Variants in CALN1 observed in about 807,000 individuals in gnomAD.
CALN1 encodes the protein calneuron 1.
Under a neutral mutation model 30.6 loss-of-function variants are expected in CALN1, and 17 were observed. The observed-to-expected ratio is 0.56, with a 90% CI of 0.38 to 0.83. The LOEUF is 0.83. CALN1 is among the 40% of genes least tolerant of loss of function. The probability of loss-of-function intolerance (pLI) is 0.00; values close to 1 mark genes in which losing one functional copy is unlikely to be tolerated. For synonymous variants in CALN1, 156 were observed against 131.4 expected (o/e 1.19, Z -1.28); for missense variants, 291 against 354.9 (o/e 0.82, Z 1.45).
intron 2 of CALN1, among the ~76,000 whole-genome samples, chr7:72,358,014 G>A (rs181736111): frequency 6.6e-6 from 1 of 151,236 alleles, no homozygotes; most frequent in African/African-American, 2.4e-5. Context: ...GTATTTAAGA[G>A]GCAGAATCTC....
At chr7:72,201,923 T>C (rs994257924) in intron 3 of CALN1, among the ~76,000 whole-genome samples, 1 of 152,110 alleles carries the variant, frequency 6.6e-6, no homozygotes, top group African/African-American at 2.4e-5. Flanking sequence ...TGGCAAGAAC[T>C]ACGTCCGGAC....
intron 3 of CALN1, among the ~76,000 whole-genome samples, chr7:72,205,575 T>TATATATATATATATATATAC (rs1791810629): frequency 8.4e-6 from 1 of 119,634 alleles, no homozygotes; most frequent in Non-Finnish European, 1.6e-5. Context: ...TATGTATATA[T>TATATATATATATATATATAC]ATATATATAT....
chr7:72,207,570 CTCCTGGTAG>C (rs933801278), intron 3 of CALN1, among the ~76,000 whole-genome samples: 5 of 152,256 alleles, frequency 3.3e-5, no homozygotes, highest in Non-Finnish European at 7.4e-5. Context: ...CAAGATCCGC[CTCCTGGTAG>C]TGCTGGGATT....
At chr7:72,499,774 TTTCCTTCCTTCCTTCC>T in the CALN1 span, among the ~76,000 whole-genome samples, 1,483 of 118,734 alleles carry the variant, frequency 0.012, 121 homozygotes, top group African/African-American at 0.028. Context: ...ACTTTCTTTC[TTTCCTTCCTTCCTTCC>T]TTCCTTCCTT....
intron 4 of CALN1, among the ~76,000 whole-genome samples, chr7:72,099,315 T>C (rs1418770103): frequency 6.7e-6 from 1 of 149,494 alleles, no homozygotes; most frequent in Admixed American, 6.7e-5. Flanking sequence ...CATACTAGTT[T>C]GGTGTGATTA....
chr7:72,440,143 G>T (rs529149603), intron 1 of CALN1, among the ~76,000 whole-genome samples: 6 of 152,292 alleles, frequency 3.9e-5, no homozygotes, highest in African/African-American at 1.4e-4. Context: ...CAGACAAATG[G>T]TTAATGTCAG....
At chr7:72,365,570 T>G (rs538636918) in intron 2 of CALN1, among the ~76,000 whole-genome samples, 1 of 151,966 alleles carries the variant, frequency 6.6e-6, no homozygotes, top group Non-Finnish European at 1.5e-5. Context: ...GCTGGGACTA[T>G]AGATGCATGC....
chr7:72,405,915 C>A (rs553097622), intron 1 of CALN1, among the ~76,000 whole-genome samples: 3 of 152,162 alleles, frequency 2.0e-5, no homozygotes, highest in Non-Finnish European at 2.9e-5. Flanking sequence ...CAGAGCAAGG[C>A]ACCCAGATGA....
chr7:71,843,550 G>A (rs1790065509), intron 5 of CALN1, among the ~76,000 whole-genome samples: 1 of 152,084 alleles, frequency 6.6e-6, no homozygotes, highest in South Asian at 2.1e-4. Flanking sequence ...TTGAGCCCAG[G>A]AAATCGAGGC....
At chr7:72,275,038 G>A (rs1797248151) in intron 3 of CALN1, among the ~76,000 whole-genome samples, 1 of 152,006 alleles carries the variant, frequency 6.6e-6, no homozygotes, top group African/African-American at 2.4e-5. Flanking sequence ...CCCTTACACT[G>A]GAGGAAAGGG....
rs535851579 is a variant in CALN1, at chr7:72,298,076, A to C, written c.120-19266T>G. Among the ~76,000 whole-genome samples the C allele has an allele frequency of 1.3e-4, 20 of 152,310 alleles. No individual in the cohort carries two copies. The South Asian group carries it at 4.1e-3, about 32-fold the overall frequency. On this transcript the variant is annotated intron_variant, in intron 2 of 6. Coordinates refer to ENST00000395275, the MANE Select transcript of CALN1 (RefSeq NM_031468.4). ...GACATTTCCAAAAACATCTATTTTC[A>C]AAAATGTTCTTTCCACAGCATAAGG... is the stretch of plus-strand genomic sequence containing the variant.
intron 2 of CALN1, among the ~76,000 whole-genome samples, chr7:72,311,774 G>C (rs561138766): frequency 5.0e-4 from 75 of 149,882 alleles, no homozygotes; most frequent in African/African-American, 1.7e-3. Context: ...TGAGATTACA[G>C]GCGTGAGCCA....
intron 3 of CALN1, among the ~76,000 whole-genome samples, chr7:72,173,304 C>T (rs1789101791): frequency 6.6e-6 from 1 of 151,766 alleles, no homozygotes. Context: ...GTTATTTGGG[C>T]CTTAAGGAAG....
intron 5 of CALN1, among the ~76,000 whole-genome samples, chr7:71,973,774 G>A (rs553203584): frequency 9.2e-5 from 14 of 151,952 alleles, no homozygotes; most frequent in African/African-American, 3.1e-4. Context: ...CCAAACAAAG[G>A]GTAAATAAAA....
At chr7:72,192,440 G>C (rs1790674846) in intron 3 of CALN1, among the ~76,000 whole-genome samples, 1 of 152,122 alleles carries the variant, frequency 6.6e-6, no homozygotes, top group African/African-American at 2.4e-5. Context: ...CTGTCAATCT[G>C]CCTAGAGGCT....
intron 3 of CALN1, among the ~76,000 whole-genome samples, chr7:72,231,395 G>C (rs1794089808): frequency 2.6e-5 from 4 of 152,160 alleles, no homozygotes; most frequent in Admixed American, 1.3e-4. Flanking sequence ...TTGGTTTTCT[G>C]TTACTGCATT....
intron 5 of CALN1, among the ~76,000 whole-genome samples, chr7:71,820,592 A>G (rs1459593916): frequency 1.3e-5 from 2 of 152,230 alleles, no homozygotes; most frequent in Admixed American, 6.5e-5. Flanking sequence ...ATGTAGGTGT[A>G]CAAATATCTG....
At chr7:71,950,956 C>G (rs1164580905) in intron 5 of CALN1, among the ~76,000 whole-genome samples, 1 of 152,238 alleles carries the variant, frequency 6.6e-6, no homozygotes, top group Non-Finnish European at 1.5e-5. Context: ...CTCTGAGAAG[C>G]CTGCCCTAAC....
the CALN1 span, among the ~76,000 whole-genome samples, chr7:72,457,755 T>C: frequency 7.1e-6 from 1 of 141,314 alleles, no homozygotes; most frequent in Non-Finnish European, 1.5e-5. Flanking sequence ...TACCTTCTTA[T>C]TCTTTTTTTT....
Sources: allele counts gnomAD v4.1 joint callset (sites outside exome capture counted in the v4.1 genomes callset), GRCh38; gene constraint gnomAD v4.1.1; transcripts MANE v1.5; gene names NCBI Gene and HGNC (gene_info 2026-07-23, HGNC 2026-07-21).